The following NLGN1 variants were observed in gnomAD, a reference collection of about 807,000 sequenced individuals.
The protein encoded by NLGN1 is neuroligin-1.
In NLGN1, 12 loss-of-function variants were observed where a neutral mutation model predicts 65.5. The observed-to-expected ratio is 0.18, with a 90% CI of 0.12 to 0.30. NLGN1 has a LOEUF of 0.30. Ranked by LOEUF, NLGN1 falls within the 10% of genes least tolerant of loss-of-function variation. The pLI is 1.00. For missense variants in NLGN1, 750 were observed against 1,007.1 expected (o/e 0.74, Z 3.46); for synonymous variants, 350 against 359.5 (o/e 0.97, Z 0.30).
At chr3:173,875,563 C>A (rs2150894504) in intron 4 of NLGN1, among the ~76,000 whole-genome samples, 1 of 152,234 alleles carries the variant, frequency 6.6e-6, no homozygotes, top group Middle Eastern at 3.4e-3. Flanking sequence ...ATACTAGAAA[C>A]TTCAAGTTAA....
intron 4 of NLGN1, among the ~76,000 whole-genome samples, chr3:174,013,196 T>C (rs1024823802): frequency 2.6e-5 from 4 of 152,174 alleles, no homozygotes; most frequent in Non-Finnish European, 5.9e-5. Flanking sequence ...TGGTTACGGG[T>C]ATTTTCTTTG....
chr3:173,667,239 G>GCACGCACACA (rs1553794604), intron 3 of NLGN1, among the ~76,000 whole-genome samples: 1 of 147,328 alleles, frequency 6.8e-6, no homozygotes, highest in Non-Finnish European at 1.5e-5. Flanking sequence ...ACACGCATAT[G>GCACGCACACA]CACACACACA....
At chr3:173,552,263 C>T (rs1401429227) in intron 2 of NLGN1, among the ~76,000 whole-genome samples, 1 of 152,130 alleles carries the variant, frequency 6.6e-6, no homozygotes, top group Non-Finnish European at 1.5e-5. Context: ...AAATCACTCT[C>T]AACAGGTCAG....
At chr3:174,071,096 T>C (rs1041997141) in intron 4 of NLGN1, among the ~76,000 whole-genome samples, 3 of 152,066 alleles carry the variant, frequency 2.0e-5, no homozygotes, top group Non-Finnish European at 2.9e-5. Flanking sequence ...AAGAGTAAGA[T>C]ACAAAATTTT....
chr3:173,402,446 T>C (rs1717868683), intron 1 of NLGN1, among the ~76,000 whole-genome samples: 1 of 152,154 alleles, frequency 6.6e-6, no homozygotes, highest in African/African-American at 2.4e-5. Context: ...TGGTGTCTGT[T>C]AGGAAGCTTT....
chr3:173,419,363 G>A (rs1047316636), intron 1 of NLGN1, among the ~76,000 whole-genome samples: 1 of 151,618 alleles, frequency 6.6e-6, no homozygotes, highest in Non-Finnish European at 1.5e-5. Context: ...CAGCAGGAAG[G>A]GGGTTATCTC....
At chr3:173,921,818 A>C (rs1742074424) in intron 4 of NLGN1, among the ~76,000 whole-genome samples, 1 of 152,162 alleles carries the variant, frequency 6.6e-6, no homozygotes, top group Admixed American at 6.5e-5. Flanking sequence ...AGTGGTGTTG[A>C]TCATTGCTAA....
rs1736175789 is a variant in NLGN1 at position 174,210,092 on chromosome 3, T to G, written c.647-65223T>G. Among the ~76,000 whole-genome samples, 2 of 152,158 alleles carry G rather than the reference T, an allele frequency of 1.3e-5. 1 individual carries two copies. Among genetic ancestry groups the G allele is most frequent in the South Asian group, 4.1e-4 (2 of 4,826 alleles). On this transcript the variant is annotated intron_variant, in intron 4 of 6. Transcript: ENST00000457714. ...AAAGTTCTTACCCCAAATCATCACA[T>G]TATAGGTTCCCCTTAACACGTAAGT...
chr3:173,411,324 G>A (rs1233694687), intron 1 of NLGN1, among the ~76,000 whole-genome samples: 1 of 152,184 alleles, frequency 6.6e-6, no homozygotes, highest in Non-Finnish European at 1.5e-5. Context: ...GGTCATCAGA[G>A]AGAACTATGG....
At chr3:173,723,048 C>T (rs1000816798) in intron 3 of NLGN1, among the ~76,000 whole-genome samples, 38 of 152,070 alleles carry the variant, frequency 2.5e-4, no homozygotes, top group African/African-American at 8.9e-4. Flanking sequence ...TACAAGGGGA[C>T]GGGGACATAT....
intron 3 of NLGN1, among the ~76,000 whole-genome samples, chr3:173,723,686 T>G (rs1771256851): frequency 6.6e-6 from 1 of 152,162 alleles, no homozygotes; most frequent in African/African-American, 2.4e-5. Flanking sequence ...ATTATAGTCA[T>G]CTAAATGTGG....
At chr3:173,554,353 A>C (rs1194746273) in intron 2 of NLGN1, among the ~76,000 whole-genome samples, 2 of 152,194 alleles carry the variant, frequency 1.3e-5, no homozygotes, top group Non-Finnish European at 2.9e-5. Flanking sequence ...TCTAGAATGC[A>C]GTGGTAAGAG....
At chr3:174,067,671 C>T (rs531813139) in intron 4 of NLGN1, among the ~76,000 whole-genome samples, 13 of 152,278 alleles carry the variant, frequency 8.5e-5, no homozygotes, top group Admixed American at 3.9e-4. Flanking sequence ...TTTCACAAAT[C>T]TGTGCAGATC....
Position 173,998,149 on chromosome 3 carries a change from G to C in NLGN1, c.646+190317G>C, listed in dbSNP as rs911545641. On this transcript the variant is annotated intron_variant, in intron 4 of 6. Coordinates refer to ENST00000457714, the Ensembl canonical transcript of NLGN1. Reference sequence around the variant, plus strand: ...GCCCAACAAGGATACATAGCTCTTCGTGTGTTACCTGTTAGTGAGGGTCAC... The same window carrying C: ...GCCCAACAAGGATACATAGCTCTTCCTGTGTTACCTGTTAGTGAGGGTCAC... 5.3e-5 allele frequency among the ~76,000 whole-genome samples: 8 copies of C among 152,096 alleles called. No homozygotes were observed. The East Asian group carries it at 9.6e-4, about 18-fold the overall frequency.
At chr3:173,459,066 ACT>A (rs1722954108) in intron 2 of NLGN1, among the ~76,000 whole-genome samples, 1 of 151,898 alleles carries the variant, frequency 6.6e-6, no homozygotes, top group Non-Finnish European at 1.5e-5. Flanking sequence ...GGTGGGAGAC[ACT>A]CTGTTAAGAA....
At chr3:173,397,503 C>T (rs930056316), upstream of NLGN1, among the ~76,000 whole-genome samples, 2 of 152,204 alleles carry the variant, frequency 1.3e-5, no homozygotes, top group African/African-American at 2.4e-5. Context: ...GCCCGTTTTG[C>T]CCACCCTCCT....
chr3:173,542,580 T>G (rs1739077840), intron 2 of NLGN1, among the ~76,000 whole-genome samples: 1 of 152,042 alleles, frequency 6.6e-6, no homozygotes, highest in African/African-American at 2.4e-5. Context: ...ACTGATAATG[T>G]GAGATGTTTA....
chr3:173,546,028 G>T (rs1374485870), intron 2 of NLGN1, among the ~76,000 whole-genome samples: 1 of 152,128 alleles, frequency 6.6e-6, no homozygotes, highest in East Asian at 1.9e-4. Context: ...AACCACCATG[G>T]CACGTGTATA....
intron 3 of NLGN1, among the ~76,000 whole-genome samples, chr3:173,714,017 G>A (rs894002817): frequency 7.9e-5 from 12 of 152,206 alleles, no homozygotes; most frequent in South Asian, 4.1e-4. Context: ...AGTAGATTAA[G>A]AAAGAGGAAA....
Sources: allele counts gnomAD v4.1 joint callset (sites outside exome capture counted in the v4.1 genomes callset), GRCh38; gene constraint gnomAD v4.1.1; transcripts MANE v1.5; gene names NCBI Gene and HGNC (gene_info 2026-07-23, HGNC 2026-07-21).